The following KANK2 variants were observed in gnomAD, a reference collection of about 807,000 sequenced individuals.
KANK2 encodes KN motif and ankyrin repeat domains 2, also known as KN motif and ankyrin repeat domain-containing protein 2.
KANK2 carries 41 observed loss-of-function variants against 74.6 expected under a neutral mutation model. The observed-to-expected ratio is 0.55, with a 90% CI of 0.43 to 0.71. The LOEUF (loss-of-function observed/expected upper bound fraction) is 0.71. Among genes scored for constraint, KANK2 ranks in the 30% least tolerant of loss-of-function variants. The pLI, the probability that KANK2 is intolerant of heterozygous loss-of-function variation, is 0.00. For missense variants in KANK2, 1,148 were observed against 1,196.4 expected (o/e 0.96, Z 0.60); for synonymous variants, 537 against 519.0 (o/e 1.03, Z -0.47).
intron 4 of KANK2, among the ~76,000 whole-genome samples, chr19:11,185,714 T>C (rs1365304623): frequency 6.7e-6 from 1 of 150,060 alleles, no homozygotes; most frequent in Non-Finnish European, 1.5e-5. Context: ...AGAGAAGCCC[T>C]ATCTCTCACT....
At chr19:11,168,014 T>G (rs1390295521) in intron 12 of KANK2, among the ~76,000 whole-genome samples, 2 of 150,776 alleles carry the variant, frequency 1.3e-5, no homozygotes, top group East Asian at 1.9e-4. Flanking sequence ...TGTTTTTTTT[T>G]TTTTTTTTTT....
At chr19:11,190,170 T>A (rs1055120246) in intron 4 of KANK2, among the ~76,000 whole-genome samples, 5 of 151,860 alleles carry the variant, frequency 3.3e-5, no homozygotes, top group African/African-American at 1.2e-4. Context: ...GGAGTCTCAC[T>A]GTCATCCAGG....
At chr19:11,181,556 T>G (rs960815582) in intron 4 of KANK2, among the ~76,000 whole-genome samples, 1 of 152,070 alleles carries the variant, frequency 6.6e-6, no homozygotes, top group African/African-American at 2.4e-5. Flanking sequence ...CCTAGAATTA[T>G]CAGATTTAAA....
chr19:11,192,906 G>T lies in KANK2; in HGVS notation c.1174C>A (p.Pro392Thr). The change falls in exon 4 of 13, where the codon CCC (proline) becomes ACC (threonine). Residue 392 changes from proline to threonine, a missense_variant. Physicochemically the swap from Pro to Thr is conservative, Grantham distance 38. Transcript: ENST00000586659. ...TGGACGTTGCTGGTAGCTGCAGCGG[G>T]CACTGGGCACATTGTCTCCACCACC... ...QEVVETMCPV[P>T]AAATSNVHMV... 1 of 1,614,130 alleles carries T rather than the reference G, an allele frequency of 6.2e-7. No individual in the cohort carries two copies. Among genetic ancestry groups the T allele is most frequent in the Non-Finnish European group, 8.5e-7 (1 of 1,179,986 alleles).
chr19:11,185,285 A>C (rs1055066846), intron 4 of KANK2, among the ~76,000 whole-genome samples: 2 of 147,996 alleles, frequency 1.4e-5, no homozygotes, highest in African/African-American at 5.0e-5. Context: ...CCTGGGCTCA[A>C]GGAATCCTCC....
chr19:11,174,957 C>CTTTTT (rs573242892), intron 8 of KANK2, among the ~76,000 whole-genome samples: 1 of 140,906 alleles, frequency 7.1e-6, no homozygotes, highest in African/African-American at 2.6e-5. Flanking sequence ...CTCTCTCTCT[C>CTTTTT]TTTTTTTTTT....
chr19:11,175,578 G>C (rs1322053760), intron 8 of KANK2, among the ~76,000 whole-genome samples: 1 of 151,688 alleles, frequency 6.6e-6, no homozygotes, highest in Non-Finnish European at 1.5e-5. Context: ...GAGCCACTGC[G>C]CCCAGCCCTG....
chr19:11,176,619 A>T lies in KANK2; in HGVS notation c.1719T>A (p.Thr573=). The change falls in exon 7 of 13, where the codon ACT becomes ACA. Residue 573 remains threonine (T), a synonymous_variant. Transcript: ENST00000586659. ...QLSRESQHIP[T]AEGASGSNTE... ...TGTTTGATCCTGATGCCCCCTCAGCAGTGGGTATGTGCTGAGATTCTCGAG... is the reference window on the plus strand; with the variant it reads ...TGTTTGATCCTGATGCCCCCTCAGCTGTGGGTATGTGCTGAGATTCTCGAG... 1 of 1,609,416 alleles carries T rather than the reference A, an allele frequency of 6.2e-7. No homozygotes were observed. Among genetic ancestry groups the T allele is most frequent in the African/African-American group, 1.3e-5 (1 of 74,906 alleles).
At chr19:11,176,450 T>C in intron 7 of KANK2, 128 bp downstream of exon 7, 4 of 1,080,390 alleles carry the variant, frequency 3.7e-6, no homozygotes, top group Non-Finnish European at 3.9e-6. Context: ...AAGTGCTCGT[T>C]TGCTAATTCA....
intron 4 of KANK2, among the ~76,000 whole-genome samples, chr19:11,189,479 C>A (rs1342294431): frequency 6.6e-6 from 1 of 151,494 alleles, no homozygotes; most frequent in Non-Finnish European, 1.5e-5. Flanking sequence ...TGGTGCATGC[C>A]TGTAATCCCA....
At chr19:11,169,528 C>A (rs2078112904) in intron 12 of KANK2, 2 of 406,412 alleles carry the variant, frequency 4.9e-6, no homozygotes, top group South Asian at 7.3e-5. Flanking sequence ...CAAGACCAGG[C>A]ATGGTGGCTC....
chr19:11,176,802 G>A lies in KANK2; in HGVS notation c.1536C>T (p.Ser512=), dbSNP rs771630712. ...VGVNGGYESS[S]EDSSTAENIS... is the part of the protein sequence containing the mutation. ...TGTTCTCTGCTGTGCTGGAGTCCTCGGATGACGACTCATACCTGGGGAGGA... is the reference window on the plus strand; with the variant it reads ...TGTTCTCTGCTGTGCTGGAGTCCTCAGATGACGACTCATACCTGGGGAGGA... Residue 512 remains serine (S), a synonymous_variant, in exon 7 of 13, where the codon TCC becomes TCT. Coordinates refer to ENST00000586659, the MANE Select transcript of KANK2 (RefSeq NM_001136191.3). 3.4e-5 allele frequency: 52 copies of A among 1,529,498 alleles called. No individual in the cohort carries two copies. Among genetic ancestry groups the A allele is most frequent in the Non-Finnish European group, 4.5e-5 (51 of 1,135,586 alleles). 94.7% of individuals were successfully genotyped at this position (1,529,498 alleles called of 1,614,324 possible).
At position 11,178,349 on chromosome 19, in the gene KANK2, C is replaced by T. The variant is rs762049569; in HGVS notation, c.1516G>A (p.Gly506Ser). ...GGTGGGGTCTTCTCCTCTCACCCGCCGTTGACCCCCACGAACTGGAGGCTC... is the reference window on the plus strand; with the variant it reads ...GGTGGGGTCTTCTCCTCTCACCCGCTGTTGACCCCCACGAACTGGAGGCTC... The part of the protein sequence containing the change: ...RRSLQFVGVN[G>S]GYESSSEDSS... The change falls in exon 6 of 13, where the codon GGC becomes AGC. Residue 506 changes from glycine to serine, a missense_variant. Transcript: ENST00000586659. 3.7e-5 allele frequency: 56 copies of T among 1,518,704 alleles called. No individual in the cohort carries two copies. The highest frequency in any genetic ancestry group is 1.9e-4 in the Admixed American group (8 of 41,492). The allele number at this position is 1,518,704 out of a possible 1,614,324, so 94.1% of individuals were successfully genotyped here. A position where few individuals can be genotyped will look rare whatever the true frequency, so the allele number is the denominator to read the frequency against.
chr19:11,194,324 C>T, intron 3 of KANK2, 151 bp downstream of exon 3: 1 of 676,518 alleles, frequency 1.5e-6, no homozygotes, highest in South Asian at 1.8e-5. Context: ...CCTTCAGACC[C>T]TCCCAGGGCA....
In KANK2 at chr19:11,170,051, A is replaced by C; in HGVS notation, c.2409T>G (p.Asp803Glu). 1 of 1,613,278 alleles carries C rather than the reference A, an allele frequency of 6.2e-7. No individual in the cohort carries two copies. Among genetic ancestry groups the C allele is most frequent in the Non-Finnish European group, 8.5e-7 (1 of 1,179,314 alleles). Residue 803 changes from aspartate (D) to glutamate (E), a missense_variant, in exon 11 of 13, where the codon GAT becomes GAG. By Grantham distance (45) the Asp-to-Glu change is conservative (BLOSUM62 2). Coordinates refer to ENST00000586659, the MANE Select transcript of KANK2 (RefSeq NM_001136191.3). This position sits in a 1 kb window ranked among gnomAD's most constrained non-coding sequence, Gnocchi z 5.2. The part of the protein sequence containing the change: ...AVPSCDISLT[D>E]RDGSTALMVA... ...GTGCACCTGGTTGGAGACTCACGCG[A>C]TCTGTGAGTGAGATGTCACAGCTGG...
Position 11,164,476 on chromosome 19 carries a change from G to C in KANK2, c.*2082C>G, listed in dbSNP as rs1018410141. 1 of 152,150 alleles carries C rather than the reference G, an allele frequency of 6.6e-6. No individual in the cohort carries two copies. The highest frequency in any genetic ancestry group is 2.4e-5 in the African/African-American group (1 of 41,430). The allele number at this position is 152,150 out of a possible 1,614,324, so 9.4% of individuals were successfully genotyped here. A position where few individuals can be genotyped will look rare whatever the true frequency, so the allele number is the denominator to read the frequency against. On this transcript the variant is annotated 3_prime_UTR_variant, in exon 13 of 13. Transcript: ENST00000586659. ...CGGAGAGAAGGAAGTGTAGAGAGAT[G>C]CGTGGACCCATCTCAGGGGTCACGC...
rs767734421 is a variant in KANK2, at chr19:11,170,134, G to A, written c.2326C>T (p.Leu776Phe). 6.2e-7 allele frequency: 1 copy of A among 1,612,884 alleles called. No homozygotes were observed. Among genetic ancestry groups the A allele is most frequent in the Non-Finnish European group, 8.5e-7 (1 of 1,180,028 alleles). ...NVQDDDGSTA[L>F]MCACEHGHKE... ...TGGCCGTGCTCACAGGCGCACATGA[G>A]GGCCGTGGAGCCGTCATCATCTTGC... is the stretch of plus-strand genomic sequence containing the variant. Residue 776 changes from leucine (L) to phenylalanine (F), a missense_variant, in exon 11 of 13, where the codon CTC (leucine) becomes TTC (phenylalanine). Transcript: ENST00000586659. The surrounding 1 kb of genome is among the most constrained non-coding windows in gnomAD (Gnocchi z 5.2).
intron 4 of KANK2, among the ~76,000 whole-genome samples, chr19:11,184,585 C>T (rs1172846533): frequency 1.3e-5 from 2 of 149,732 alleles, no homozygotes; most frequent in African/African-American, 2.5e-5. Context: ...ATAGTTCTAA[C>T]ACAAAACCAG....
intron 12 of KANK2, 85 bp from the exon 13 acceptor site, chr19:11,166,696 T>C: frequency 2.3e-6 from 3 of 1,325,338 alleles, no homozygotes; most frequent in South Asian, 1.2e-5. Flanking sequence ...CTGGTAGATA[T>C]GATGGGTAAG....
Sources: gnomAD v4.1 joint callset for allele counts (sites outside exome capture counted in the v4.1 genomes callset) on GRCh38, gnomAD v4.1.1 for gene constraint, Gnocchi (gnomAD v3.1) non-coding constraint, MANE v1.5 for transcripts, NCBI Gene and HGNC (gene_info 2026-07-23, HGNC 2026-07-21) for gene names.